TEX29: variants seen among roughly 807,000 people sequenced by gnomAD.
TEX29 encodes testis expressed 29.
In TEX29, 26 loss-of-function variants were observed where a neutral mutation model predicts 18.2. The observed-to-expected ratio is 1.43, with a 90% confidence interval of 1.04 to 1.98. The LOEUF (loss-of-function observed/expected upper bound fraction) is 1.98. TEX29 is among the 30% of genes most tolerant of loss of function. The pLI is 0.00. For missense variants in TEX29, 177 were observed against 194.2 expected (o/e 0.91, Z 0.53); for synonymous variants, 83 against 78.5 (o/e 1.06, Z -0.31).
At chr13:111,320,994 T>TGGGGGGGGGGCCCCACC in intron 2 of TEX29, 46 bp downstream of exon 2, 2 of 310,238 alleles carry the variant, frequency 6.4e-6, no homozygotes, top group African/African-American at 4.1e-5. Context: ...GGGGGAGCAG[T>TGGGGGGGGGGCCCCACC]TGGGGGGGGG....
chr13:111,333,701 G>C (rs975402000), intron 3 of TEX29, among the ~76,000 whole-genome samples: 3 of 152,232 alleles, frequency 2.0e-5, no homozygotes, highest in African/African-American at 7.2e-5. Flanking sequence ...TGCATGGCTA[G>C]GGAGGCCTCA....
intron 3 of TEX29, among the ~76,000 whole-genome samples, chr13:111,336,022 C>G (rs935333944): frequency 1.3e-5 from 2 of 152,198 alleles, no homozygotes; most frequent in Non-Finnish European, 2.9e-5. Flanking sequence ...TAAAAGTGAG[C>G]CTTAATCCCT....
At chr13:111,316,391 G>A (rs1368068233), upstream of TEX29, 2 of 425,042 alleles carry the variant, frequency 4.7e-6, no homozygotes, top group Non-Finnish European at 9.6e-6. Context: ...TGTCTGCCCT[G>A]AGGCTGTCCC....
chr13:111,343,117 G>A (rs1566322714), intron 5 of TEX29, among the ~76,000 whole-genome samples, 186 bp downstream of exon 5: 1 of 152,214 alleles, frequency 6.6e-6, no homozygotes. Flanking sequence ...GGTGGATGTG[G>A]CTGTCAGTGT....
At chr13:111,321,625 C>CAAA (rs60423908) in intron 2 of TEX29, among the ~76,000 whole-genome samples, 66 of 150,704 alleles carry the variant, frequency 4.4e-4, no homozygotes, top group African/African-American at 9.7e-4. Context: ...ACAACAAAAA[C>CAAA]AAAAAAAAAC....
At chr13:111,337,202 A>G (rs764439113) in intron 3 of TEX29, among the ~76,000 whole-genome samples, 30 of 152,126 alleles carry the variant, frequency 2.0e-4, no homozygotes, top group Non-Finnish European at 3.7e-4. Flanking sequence ...TCCATCCTCT[A>G]TTGCTGTGTG....
At chr13:111,337,169 C>A (rs2093690751) in intron 3 of TEX29, among the ~76,000 whole-genome samples, 1 of 152,192 alleles carries the variant, frequency 6.6e-6, no homozygotes, top group Non-Finnish European at 1.5e-5. Context: ...ATTCTCTGGG[C>A]AAGCTCTAGG....
chr13:111,318,010 C>G (rs1349649321), upstream of TEX29, among the ~76,000 whole-genome samples: 2 of 152,172 alleles, frequency 1.3e-5, no homozygotes, highest in Non-Finnish European at 2.9e-5. Context: ...CAAATAAGCC[C>G]TCATCCTTAG....
At chr13:111,334,053 T>C (rs920101307) in intron 3 of TEX29, among the ~76,000 whole-genome samples, 6 of 152,234 alleles carry the variant, frequency 3.9e-5, no homozygotes, top group Non-Finnish European at 7.3e-5. Flanking sequence ...AAAGTCTTTG[T>C]CAAGTAAGTC....
In TEX29 at chr13:111,342,557, C is replaced by CAAAAA. The variant is rs34305274; in HGVS notation, c.240-183_240-179dup. On this transcript the variant is annotated intron_variant, in intron 4 of 5. Transcript: ENST00000283547. ...CCTGGATGACAGATCAAAACTGTCTCAAAAAAAAAAAAAAAAAAAAGAGAG... is the reference window on the plus strand; with the variant it reads ...CCTGGATGACAGATCAAAACTGTCTCAAAAAAAAAAAAAAAAAAAAAAAAAGAGAG... 6.5e-4 allele frequency among the ~76,000 whole-genome samples: 49 copies of CAAAAA among 75,112 alleles called. 1 individual carries two copies. The highest frequency in any genetic ancestry group is 1.0e-3 in the African/African-American group (20 of 19,482). 49.3% of individuals were successfully genotyped at this position (75,112 alleles called of 152,430 possible).
At chr13:111,325,863 T>C (rs72653596) in intron 2 of TEX29, among the ~76,000 whole-genome samples, 23,890 of 152,242 alleles carry the variant, frequency 0.16, 2,101 homozygotes, top group Middle Eastern at 0.26. Context: ...ATAAAAATAA[T>C]GCTTCGTTCA....
intron 2 of TEX29, among the ~76,000 whole-genome samples, chr13:111,327,910 C>G (rs2093676658): frequency 6.6e-6 from 1 of 152,270 alleles, no homozygotes; most frequent in African/African-American, 2.4e-5. Flanking sequence ...GTGCGCCGTG[C>G]CTGGCGCTGC....
At chr13:111,332,476 AAAATATAGTTTTACT>A (rs1252954337) in intron 3 of TEX29, among the ~76,000 whole-genome samples, 2 of 151,932 alleles carry the variant, frequency 1.3e-5, no homozygotes, top group Non-Finnish European at 2.9e-5. Context: ...ATGGCATCTG[AAAATATAGTTTTACT>A]TCTTTTTTCC....
rs762040663 is a variant in TEX29, at chr13:111,339,907, G to A, written c.214G>A (p.Ala72Thr). The A allele has an allele frequency of 3.7e-6, 6 of 1,609,740 alleles. No individual in the cohort carries two copies. The South Asian group carries it at 5.5e-5, about 15-fold the overall frequency. The change falls in exon 4 of 6, where the codon GCC becomes ACC. Residue 72 changes from alanine (A) to threonine (T), a missense_variant. Transcript: ENST00000283547. ...TGCCTTGATTGTGATCATCGCTGGG[G>A]CCTTCGTCATCACCATCATCTACAG... The part of the protein sequence containing the change: ...FSALIVIIAG[A>T]FVITIIYRVI...
rs2093671779 is a variant in TEX29 at position 111,325,741 on chromosome 13, G to T, written c.59-2442G>T. ...ACACCGGAGGAGGCGCGGGAGGACT[G>T]CCGGGATTCGACGGCTGGGCGGTCA... On this transcript the variant is annotated intron_variant, in intron 2 of 5. Coordinates refer to ENST00000283547, the MANE Select transcript of TEX29 (RefSeq NM_152324.3). Among the ~76,000 whole-genome samples the T allele has an allele frequency of 2.6e-5, 4 of 152,242 alleles. No individual in the cohort carries two copies. In the South Asian group the frequency reaches 8.3e-4, roughly 32 times the overall value.
Position 111,320,769 on chromosome 13 carries a change from CGAT to C in TEX29, c.-35+10_-35+12del. The C allele has an allele frequency of 8.3e-7, 1 of 1,200,554 alleles. No homozygotes were observed. Among genetic ancestry groups the C allele is most frequent in the Non-Finnish European group, 1.2e-6 (1 of 807,460 alleles). The allele number at this position is 1,200,554 out of a possible 1,614,324, so 74.4% of individuals were successfully genotyped here. On this transcript the variant is annotated splice_region_variant and intron_variant, in intron 1 of 5. Transcript: ENST00000283547. ...CCTGGGATGTGAGGCGCAGGTGAGTCGATGAACGCCCCCTCCTGGTGTGAGCCG... is the reference window on the plus strand; with the variant it reads ...CCTGGGATGTGAGGCGCAGGTGAGTCGAACGCCCCCTCCTGGTGTGAGCCG...
chr13:111,318,198 G>C (rs2093657720), upstream of TEX29, among the ~76,000 whole-genome samples: 1 of 152,140 alleles, frequency 6.6e-6, no homozygotes, highest in Admixed American at 6.5e-5. Flanking sequence ...TGTTAGCCAA[G>C]TCCGTTACAG....
At chr13:111,316,377 C>T, upstream of TEX29, 1 of 436,464 alleles carries the variant, frequency 2.3e-6, no homozygotes, top group South Asian at 1.6e-5. Context: ...CGTGGAGCCC[C>T]CGCTGTCTGC....
At chr13:111,321,000 G>GC (rs947829231) in intron 2 of TEX29, 52 bp downstream of exon 2, 3 of 900,478 alleles carry the variant, frequency 3.3e-6, no homozygotes, top group African/African-American at 3.3e-5. Flanking sequence ...GCAGTTGGGG[G>GC]GGGGCACAGG....
Sources: allele counts gnomAD v4.1 joint callset (sites outside exome capture counted in the v4.1 genomes callset), GRCh38; gene constraint gnomAD v4.1.1; transcripts MANE v1.5; gene names NCBI Gene and HGNC (gene_info 2026-07-23, HGNC 2026-07-21).